Variants in CAB39L observed in about 807,000 individuals in gnomAD.
CAB39L encodes calcium binding protein 39 like.
In CAB39L, 23 loss-of-function variants were observed where a neutral mutation model predicts 39.1. The observed-to-expected ratio is 0.59, with a 90% CI of 0.42 to 0.83. The LOEUF (loss-of-function observed/expected upper bound fraction) is 0.83. Among genes scored for constraint, CAB39L ranks in the 40% least tolerant of loss-of-function variants. The probability of loss-of-function intolerance (pLI) is 0.00; values close to 1 mark genes in which losing one functional copy is unlikely to be tolerated. For synonymous variants in CAB39L, 126 were observed against 137.2 expected (o/e 0.92, Z 0.57); for missense variants, 366 against 391.9 (o/e 0.93, Z 0.56).
intron 10 of CAB39L, among the ~76,000 whole-genome samples, chr13:49,322,094 A>G (rs1954364031): frequency 6.6e-6 from 1 of 152,158 alleles, no homozygotes; most frequent in Non-Finnish European, 1.5e-5. Context: ...ATTTTAGAAC[A>G]TTTTTATCAT....
In CAB39L at chr13:49,347,290, C is replaced by T. The variant is rs79803635; in HGVS notation, c.565-3052G>A. ...AAATCAAAACACCATTTATTTTTGT[C>T]ATTCAATATTGTTGCTGAAAATTAA... On this transcript the variant is annotated intron_variant, in intron 7 of 10. Transcript: ENST00000409308. Among the ~76,000 whole-genome samples, 1,430 of 152,240 alleles carry T rather than the reference C, an allele frequency of 9.4e-3. 8 individuals are homozygous for T. Among genetic ancestry groups the T allele is most frequent in the South Asian group, 0.042 (203 of 4,826 alleles).
At chr13:49,331,215 C>T (rs1020981284) in intron 10 of CAB39L, among the ~76,000 whole-genome samples, 2 of 152,124 alleles carry the variant, frequency 1.3e-5, no homozygotes, top group African/African-American at 4.8e-5. Flanking sequence ...CCTGTAATCC[C>T]AGCTCTTTGG....
At chr13:49,332,399 C>T (rs1376789279) in intron 9 of CAB39L, among the ~76,000 whole-genome samples, 1 of 152,138 alleles carries the variant, frequency 6.6e-6, no homozygotes, top group Non-Finnish European at 1.5e-5. Flanking sequence ...TCTTGCTTCG[C>T]ACTAATGTAT....
intron 6 of CAB39L, among the ~76,000 whole-genome samples, chr13:49,355,469 A>C (rs1482856577): frequency 6.6e-6 from 1 of 152,164 alleles, no homozygotes; most frequent in Non-Finnish European, 1.5e-5. Flanking sequence ...ACCCCTAGCA[A>C]CCAGATTGTA....
At chr13:49,391,086 G>T (rs1354904286) in intron 3 of CAB39L, among the ~76,000 whole-genome samples, 2 of 152,126 alleles carry the variant, frequency 1.3e-5, no homozygotes, top group South Asian at 2.1e-4. Flanking sequence ...ACTCTAAAGC[G>T]AAATCCCACA....
chr13:49,408,393 C>G (rs1376465285), intron 3 of CAB39L, among the ~76,000 whole-genome samples: 3 of 152,200 alleles, frequency 2.0e-5, no homozygotes, highest in African/African-American at 4.8e-5. Context: ...TGCCCACAGG[C>G]AGCTGAACAT....
intron 6 of CAB39L, among the ~76,000 whole-genome samples, chr13:49,354,137 A>C (rs919513062): frequency 2.6e-5 from 4 of 152,158 alleles, no homozygotes; most frequent in Admixed American, 6.5e-5. Flanking sequence ...CGTGAAGCTT[A>C]TTGAAACCAT....
At chr13:49,384,852 T>G (rs1243308413) in intron 3 of CAB39L, among the ~76,000 whole-genome samples, 1 of 152,204 alleles carries the variant, frequency 6.6e-6, no homozygotes, top group African/African-American at 2.4e-5. Flanking sequence ...CTTAAAATAT[T>G]CAGTAAACCA....
intron 7 of CAB39L, among the ~76,000 whole-genome samples, chr13:49,344,674 A>T (rs1955095363): frequency 6.6e-6 from 1 of 152,068 alleles, no homozygotes; most frequent in Non-Finnish European, 1.5e-5. Context: ...GGCGCCCGCC[A>T]CCACATCCGG....
intron 5 of CAB39L, among the ~76,000 whole-genome samples, chr13:49,363,195 A>C (rs1159959581): frequency 6.6e-6 from 1 of 152,240 alleles, no homozygotes; most frequent in Non-Finnish European, 1.5e-5. Context: ...AGAAAAACAC[A>C]GAATAGTATA....
At chr13:49,317,351 G>GA (rs34694650) in intron 10 of CAB39L, among the ~76,000 whole-genome samples, 28,028 of 151,896 alleles carry the variant, frequency 0.18, 3,001 homozygotes, top group Middle Eastern at 0.27. Flanking sequence ...GGAACATGGC[G>GA]AAACCCCCTC....
intron 5 of CAB39L, among the ~76,000 whole-genome samples, chr13:49,362,775 C>T (rs1208201452): frequency 6.6e-6 from 1 of 151,776 alleles, no homozygotes; most frequent in African/African-American, 2.4e-5. Context: ...CAGATTTAAA[C>T]CAAAGAAGAC....
intron 6 of CAB39L, among the ~76,000 whole-genome samples, chr13:49,359,340 T>C (rs1263544549): frequency 6.6e-6 from 1 of 152,042 alleles, no homozygotes; most frequent in African/African-American, 2.4e-5. Flanking sequence ...AACCAGAATA[T>C]ATATGTGTGT....
intron 6 of CAB39L, among the ~76,000 whole-genome samples, chr13:49,353,560 A>T (rs1955412969): frequency 6.6e-6 from 1 of 151,942 alleles, no homozygotes; most frequent in Non-Finnish European, 1.5e-5. Context: ...CACAACTCAG[A>T]TGCTTCTCAT....
chr13:49,359,303 CT>C (rs1955568044), intron 6 of CAB39L, among the ~76,000 whole-genome samples: 1 of 152,272 alleles, frequency 6.6e-6, no homozygotes, highest in East Asian at 1.9e-4. Context: ...ACTGGAAAAA[CT>C]CTCATACCTG....
intron 6 of CAB39L, among the ~76,000 whole-genome samples, chr13:49,356,455 A>G (rs1955486758): frequency 6.6e-6 from 1 of 152,070 alleles, no homozygotes; most frequent in African/African-American, 2.4e-5. Flanking sequence ...ATTCATTTAG[A>G]GTGAGTAAGT....
At chr13:49,386,807 TC>T (rs1343657318) in intron 3 of CAB39L, among the ~76,000 whole-genome samples, 2 of 140,134 alleles carry the variant, frequency 1.4e-5, no homozygotes, top group Non-Finnish European at 3.1e-5. Flanking sequence ...ACTAAACACC[TC>T]CCCCACTCCC....
intron 1 of CAB39L, among the ~76,000 whole-genome samples, chr13:49,438,073 G>C (rs1490040413): frequency 1.3e-5 from 2 of 152,030 alleles, no homozygotes; most frequent in Non-Finnish European, 2.9e-5. Flanking sequence ...CTGGGCTCAA[G>C]CAATCTTCCT....
chr13:49,346,073 T>TAG (rs540741635), intron 7 of CAB39L, among the ~76,000 whole-genome samples: 1 of 62,510 alleles, frequency 1.6e-5, no homozygotes, highest in East Asian at 3.3e-4. Flanking sequence ...ATATATATGC[T>TAG]AGATATATAT....
Sources: allele counts gnomAD v4.1 joint callset (sites outside exome capture counted in the v4.1 genomes callset), GRCh38; gene constraint gnomAD v4.1.1; transcripts MANE v1.5; gene names NCBI Gene and HGNC (gene_info 2026-07-23, HGNC 2026-07-21).